The following TRIP13 variants were observed in gnomAD, a reference collection of about 807,000 sequenced individuals.
TRIP13 encodes thyroid hormone receptor interactor 13.
TRIP13 carries 25 observed loss-of-function variants against 54.4 expected under a neutral mutation model. That is an observed-to-expected ratio of 0.46 (90% CI 0.33 to 0.64). The LOEUF (loss-of-function observed/expected upper bound fraction) is 0.64, where lower values mean the gene tolerates loss of function less well. TRIP13 is among the 30% of genes least tolerant of loss of function. The probability of loss-of-function intolerance (pLI) is 0.02; values close to 1 mark genes in which losing one functional copy is unlikely to be tolerated. For synonymous variants in TRIP13, 207 were observed against 207.8 expected (o/e 1.00, Z 0.03); for missense variants, 373 against 534.2 (o/e 0.70, Z 2.97).
rs532198670 is a variant in TRIP13 at position 892,917 on chromosome 5, G to A, written c.-82G>A. The A allele has an allele frequency of 3.6e-5, 47 of 1,319,484 alleles. No individual in the cohort carries two copies. The East Asian group carries it at 1.0e-3, about 29-fold the overall frequency. The allele number at this position is 1,319,484 out of a possible 1,614,324, so 81.7% of individuals were successfully genotyped here. On this transcript the variant is annotated 5_prime_UTR_variant, in exon 1 of 13. Transcript: ENST00000166345. ...AGCTAGGGCGGGGCCCGCGGGCTGA[G>A]GCAGCGGCTGTGGCGGCGACGCTGG...
In TRIP13 at chr5:901,383, A is replaced by G. The variant is rs1279417076; in HGVS notation, c.487A>G (p.Asn163Asp). ...GACAACTTTACTGTTTTCAGACAAG[A>G]ACGTCAACAGCAACCTCATCACCTG... ...VMTTLLFSDKNVNSNLITWNR... is the reference protein window; with the variant it reads ...VMTTLLFSDKDVNSNLITWNR... The change falls in exon 5 of 13, where the codon AAC becomes GAC. Residue 163 changes from asparagine (N) to aspartate (D), a missense_variant. Coordinates refer to ENST00000166345, the MANE Select transcript of TRIP13 (RefSeq NM_004237.4). 1.9e-6 allele frequency: 3 copies of G among 1,614,174 alleles called. No individual in the cohort carries two copies. Among genetic ancestry groups the G allele is most frequent in the Admixed American group, 3.3e-5 (2 of 60,034 alleles).
rs1754328899 is a variant in TRIP13 at position 915,770 on chromosome 5, G to A, written c.1134-134G>A. 1.2e-6 allele frequency: 1 copy of A among 844,576 alleles called. No individual in the cohort carries two copies. Among genetic ancestry groups the A allele is most frequent in the Non-Finnish European group, 2.0e-6 (1 of 501,382 alleles). 52.3% of individuals were successfully genotyped at this position (844,576 alleles called of 1,614,324 possible). On this transcript the variant is annotated intron_variant, in intron 11 of 12. Coordinates refer to ENST00000166345, the MANE Select transcript of TRIP13 (RefSeq NM_004237.4). The surrounding 1 kb of genome is among the most constrained non-coding windows in gnomAD (Gnocchi z 4.2). ...AGGAGACCAGTGAGGGGCAGGAAGT[G>A]CCCTGTGAACCCAGGGTGTGCTTGG... is the stretch of plus-strand genomic sequence containing the variant.
rs1296451565 is a variant in TRIP13 at position 912,698 on chromosome 5, T to G, written c.1020+702T>G. Among the ~76,000 whole-genome samples, 2 of 146,456 alleles carry G rather than the reference T, an allele frequency of 1.4e-5. No individual in the cohort carries two copies. Among genetic ancestry groups the G allele is most frequent in the African/African-American group, 5.1e-5 (2 of 39,240 alleles). On this transcript the variant is annotated intron_variant, in intron 10 of 12. Coordinates refer to ENST00000166345, the MANE Select transcript of TRIP13 (RefSeq NM_004237.4). This position sits in a 1 kb window ranked among gnomAD's most constrained non-coding sequence, Gnocchi z 7.2. ...GCCATGGGCACAGTGACGCGTGTGG[T>G]GAGTGTGCGTGAGTCTGGAACGCCG...
At chr5:910,497 C>G (rs1231937018) in intron 9 of TRIP13, among the ~76,000 whole-genome samples, 1 of 151,876 alleles carries the variant, frequency 6.6e-6, no homozygotes, top group Non-Finnish European at 1.5e-5. Context: ...TCACTGGGCC[C>G]CAAATCCCTA....
At chr5:900,195 A>G (rs1406367713) in intron 3 of TRIP13, among the ~76,000 whole-genome samples, 1 of 152,280 alleles carries the variant, frequency 6.6e-6, no homozygotes, top group Non-Finnish European at 1.5e-5. Context: ...ATGGGAAGTT[A>G]AAGTTTTTTT....
intron 11 of TRIP13, among the ~76,000 whole-genome samples, chr5:914,911 G>A (rs1366973401): frequency 1.3e-5 from 2 of 152,170 alleles, no homozygotes; most frequent in South Asian, 2.1e-4. Context: ...CAGGGAGGGT[G>A]GAAGGGAAGG....
At chr5:900,978 A>AT (rs1272671777) in intron 4 of TRIP13, among the ~76,000 whole-genome samples, 1 of 152,218 alleles carries the variant, frequency 6.6e-6, no homozygotes, top group Non-Finnish European at 1.5e-5. Context: ...GCTCCTCTGC[A>AT]TTGTGGCTGT....
intron 3 of TRIP13, among the ~76,000 whole-genome samples, chr5:900,109 A>G (rs1327014134): frequency 6.6e-6 from 1 of 152,274 alleles, no homozygotes; most frequent in African/African-American, 2.4e-5. Flanking sequence ...AAAAAATGAT[A>G]GTTTAATGAA....
chr5:896,233 G>C (rs1227691013), intron 2 of TRIP13, among the ~76,000 whole-genome samples: 1 of 152,208 alleles, frequency 6.6e-6, no homozygotes, highest in Non-Finnish European at 1.5e-5. Flanking sequence ...AGGATCACTT[G>C]AGTCCAGGAA....
chr5:905,945 C>T (rs1385009308), intron 6 of TRIP13, among the ~76,000 whole-genome samples: 2 of 152,118 alleles, frequency 1.3e-5, no homozygotes, highest in Admixed American at 6.5e-5. Flanking sequence ...GCCAGCATGG[C>T]GGCTCAATGC....
At chr5:894,424 C>T (rs180753246) in intron 1 of TRIP13, among the ~76,000 whole-genome samples, 1 of 152,344 alleles carries the variant, frequency 6.6e-6, no homozygotes, top group Non-Finnish European at 1.5e-5. Context: ...CCTGACCCCA[C>T]AGCTGTGGAA....
Position 917,703 on chromosome 5 carries a change from A to G in TRIP13, c.*600A>G, listed in dbSNP as rs942239437. ...GTTCTTTCATAATAAATAATCAGAC[A>G]TGGTCCCATTTGCAGGAAAAGTGCA... On this transcript the variant is annotated 3_prime_UTR_variant, in exon 13 of 13. Coordinates refer to ENST00000166345, the MANE Select transcript of TRIP13 (RefSeq NM_004237.4). The G allele has an allele frequency of 1.3e-5, 2 of 152,320 alleles. No homozygotes were observed. The highest frequency in any genetic ancestry group is 4.8e-5 in the African/African-American group (2 of 41,474). 9.4% of individuals were successfully genotyped at this position (152,320 alleles called of 1,614,324 possible). A position where few individuals can be genotyped will look rare whatever the true frequency, so the allele number is the denominator to read the frequency against.
At position 908,487 on chromosome 5, in the gene TRIP13, C is replaced by G. The variant is rs1401101898; in HGVS notation, c.866+26C>G. 6.2e-7 allele frequency: 1 copy of G among 1,612,200 alleles called. No homozygotes were observed. The highest frequency in any genetic ancestry group is 1.1e-5 in the South Asian group (1 of 91,058). On this transcript the variant is annotated intron_variant, in intron 9 of 12. Coordinates refer to ENST00000166345, the MANE Select transcript of TRIP13 (RefSeq NM_004237.4). The surrounding 1 kb of genome is among the most constrained non-coding windows in gnomAD (Gnocchi z 5.2). ...GTAACCAGGACATGCAGCAATTTTC[C>G]CTGAGAAGTGATGAGAAGTTTGTCC...
At chr5:896,939 T>A in intron 3 of TRIP13, 145 bp downstream of exon 3, 1 of 1,030,200 alleles carries the variant, frequency 9.7e-7, no homozygotes, top group Non-Finnish European at 1.4e-6. Flanking sequence ...ATGGAAAGTA[T>A]ATCACAAAAG....
At position 908,335 on chromosome 5, in the gene TRIP13, C is replaced by T; in HGVS notation, c.760-20C>T. The T allele has an allele frequency of 1.2e-6, 2 of 1,608,432 alleles. No homozygotes were observed. Among genetic ancestry groups the T allele is most frequent in the Non-Finnish European group, 1.7e-6 (2 of 1,179,802 alleles). On this transcript the variant is annotated intron_variant, in intron 8 of 12. Transcript: ENST00000166345. This position sits in a 1 kb window ranked among gnomAD's most constrained non-coding sequence, Gnocchi z 5.2. ...GTGCCAGGCCCTGTCCTTTTTGACCCCACTGCTCCCTCCCAACAGGTGGAG... is the reference window on the plus strand; with the variant it reads ...GTGCCAGGCCCTGTCCTTTTTGACCTCACTGCTCCCTCCCAACAGGTGGAG...
chr5:912,956 G>A lies in TRIP13; in HGVS notation c.1020+960G>A, dbSNP rs186223742. 1.3e-5 allele frequency among the ~76,000 whole-genome samples: 2 copies of A among 152,294 alleles called. No homozygotes were observed. The highest frequency in any genetic ancestry group is 3.9e-4 in the East Asian group (2 of 5,186). Reference sequence around the variant, plus strand: ...GCCACCTGCTGGTACCACAGAGTAGGGGTGTTAACAAGGATGGCACACCCT... The same window carrying A: ...GCCACCTGCTGGTACCACAGAGTAGAGGTGTTAACAAGGATGGCACACCCT... On this transcript the variant is annotated intron_variant, in intron 10 of 12. Coordinates refer to ENST00000166345, the MANE Select transcript of TRIP13 (RefSeq NM_004237.4). This position sits in a 1 kb window ranked among gnomAD's most constrained non-coding sequence, Gnocchi z 7.2.
At chr5:909,689 T>G (rs1560948989) in intron 9 of TRIP13, among the ~76,000 whole-genome samples, 1 of 152,214 alleles carries the variant, frequency 6.6e-6, no homozygotes, top group Non-Finnish European at 1.5e-5. Flanking sequence ...CCCACGTATT[T>G]ATTAACAGCA....
Position 896,755 on chromosome 5 carries a change from G to A in TRIP13, c.349G>A (p.Glu117Lys), listed in dbSNP as rs970720017. ...PSSENLEEET[E>K]NIIAANHWVL... ...CAGTGAAAATCTGGAGGAAGAGACA[G>A]AAAACATAATTGCAGCAAATCACTG... The change falls in exon 3 of 13, where the codon GAA becomes AAA. Residue 117 changes from glutamate to lysine, a missense_variant. Physicochemically the swap from Glu to Lys is moderately conservative, Grantham distance 56 (BLOSUM62 1). Transcript: ENST00000166345. 1 of 1,613,884 alleles carries A rather than the reference G, an allele frequency of 6.2e-7. No individual in the cohort carries two copies. Among genetic ancestry groups the A allele is most frequent in the East Asian group, 2.2e-5 (1 of 44,882 alleles).
chr5:914,052 T>G (rs1754294601), intron 10 of TRIP13, among the ~76,000 whole-genome samples: 1 of 152,050 alleles, frequency 6.6e-6, no homozygotes, highest in South Asian at 2.1e-4. Flanking sequence ...GATCCTGCTT[T>G]GGAAGTCAGT....
Sources: allele counts gnomAD v4.1 joint callset (sites outside exome capture counted in the v4.1 genomes callset), GRCh38; gene constraint gnomAD v4.1.1; non-coding constraint Gnocchi (gnomAD v3.1); transcripts MANE v1.5; gene names NCBI Gene and HGNC (gene_info 2026-07-23, HGNC 2026-07-21).